The following AJAP1 variants were observed in gnomAD, a reference collection of about 807,000 sequenced individuals.
The protein encoded by AJAP1 is adherens junction-associated protein 1.
A neutral mutation model predicts 35.0 loss-of-function variants in AJAP1; 5 were observed. That is an observed-to-expected ratio of 0.14 (90% confidence interval 0.07 to 0.30). AJAP1 has a LOEUF of 0.30. Among genes scored for constraint, AJAP1 ranks in the 10% least tolerant of loss-of-function variants. The probability of loss-of-function intolerance (pLI) is 1.00; values close to 1 mark genes in which losing one functional copy is unlikely to be tolerated. For missense variants in AJAP1, 586 were observed against 571.0 expected (o/e 1.03, Z -0.27); for synonymous variants, 284 against 249.3 (o/e 1.14, Z -1.31).
chr1:4,682,931 A>G (rs945959248), intron 1 of AJAP1, among the ~76,000 whole-genome samples: 10 of 152,158 alleles, frequency 6.6e-5, no homozygotes, highest in Non-Finnish European at 4.4e-5. Context: ...GGTGATAATG[A>G]GAATGATTGT....
intron 2 of AJAP1, among the ~76,000 whole-genome samples, chr1:4,740,703 G>A (rs1033855984): frequency 2.7e-5 from 4 of 150,120 alleles, no homozygotes; most frequent in South Asian, 2.1e-4. Flanking sequence ...GGAGAATGGC[G>A]GGAACCCGGG....
Position 4,711,883 on chromosome 1 carries a change from C to G in AJAP1, c.30-17C>G. 1 of 1,449,516 alleles carries G rather than the reference C, an allele frequency of 6.9e-7. No individual in the cohort carries two copies. The highest frequency in any genetic ancestry group is 1.5e-5 in the South Asian group (1 of 66,588). 89.8% of individuals were successfully genotyped at this position (1,449,516 alleles called of 1,614,324 possible). A position where few individuals can be genotyped will look rare whatever the true frequency, so the allele number is the denominator to read the frequency against. ...GGCTTCCACTGACCGCTCTTCTCTC[C>G]TTTCCCCCCCGCACAGCTCCATGTC... On this transcript the variant is annotated splice_polypyrimidine_tract_variant and intron_variant, in intron 1 of 5. Coordinates refer to ENST00000378191, the MANE Select transcript of AJAP1 (RefSeq NM_018836.4).
chr1:4,709,684 G>A (rs917133145), intron 1 of AJAP1, among the ~76,000 whole-genome samples: 3 of 152,132 alleles, frequency 2.0e-5, no homozygotes, highest in African/African-American at 4.8e-5. Flanking sequence ...ACCTAAATTC[G>A]TCCTTGTGGT....
chr1:4,672,179 G>A (rs1051778739), intron 1 of AJAP1, among the ~76,000 whole-genome samples: 16 of 152,162 alleles, frequency 1.1e-4, no homozygotes, highest in Admixed American at 4.6e-4. Context: ...GGGAGCGGTC[G>A]GGAGTCACTT....
intron 1 of AJAP1, among the ~76,000 whole-genome samples, chr1:4,685,511 C>T (rs746197095): frequency 1.3e-5 from 2 of 152,196 alleles, no homozygotes; most frequent in African/African-American, 2.4e-5. Context: ...GGTCTGCAAG[C>T]TGCTAACAAT....
At position 4,782,916 on chromosome 1, in the gene AJAP1, C is replaced by T. The variant is rs780933085; in HGVS notation, c.*431C>T. 2.0e-5 allele frequency: 8 copies of T among 398,328 alleles called. No homozygotes were observed. Among genetic ancestry groups the T allele is most frequent in the Non-Finnish European group, 3.1e-5 (7 of 226,022 alleles). The allele number at this position is 398,328 out of a possible 1,614,324, so 24.7% of individuals were successfully genotyped here. A position where few individuals can be genotyped will look rare whatever the true frequency, so the allele number is the denominator to read the frequency against. ...GTGCCATGTACTGACCCGAAAGGCT[C>T]GGCCGCAGAGCCGGGGCCCAGCGAA... On this transcript the variant is annotated 3_prime_UTR_variant, in exon 6 of 6. Transcript: ENST00000378191. This position sits in a 1 kb window ranked among gnomAD's most constrained non-coding sequence, Gnocchi z 5.3.
At chr1:4,761,585 A>G (rs1641567526) in intron 2 of AJAP1, among the ~76,000 whole-genome samples, 1 of 152,204 alleles carries the variant, frequency 6.6e-6, no homozygotes, top group Non-Finnish European at 1.5e-5. Flanking sequence ...AGGGTTCTCT[A>G]GAGGGACAGA....
At chr1:4,762,526 G>A (rs1641589304) in intron 2 of AJAP1, among the ~76,000 whole-genome samples, 1 of 152,342 alleles carries the variant, frequency 6.6e-6, no homozygotes, top group African/African-American at 2.4e-5. Flanking sequence ...GATATTTCAT[G>A]CGTATTGTCA....
chr1:4,699,646 G>T (rs576846607), intron 1 of AJAP1, among the ~76,000 whole-genome samples: 1 of 152,134 alleles, frequency 6.6e-6, no homozygotes, highest in Non-Finnish European at 1.5e-5. Context: ...TGATGGAGCT[G>T]TCTTGAAAAT....
At chr1:4,714,642 A>G (rs1640347027) in intron 2 of AJAP1, among the ~76,000 whole-genome samples, 1 of 152,242 alleles carries the variant, frequency 6.6e-6, no homozygotes, top group African/African-American at 2.4e-5. Flanking sequence ...TCTTCATAAT[A>G]TAATCTGGTG....
rs139849748 is a variant in AJAP1 at position 4,752,506 on chromosome 1, C to G, written c.830-17347C>G. 2.0e-5 allele frequency among the ~76,000 whole-genome samples: 3 copies of G among 152,284 alleles called. No individual in the cohort carries two copies. The East Asian group carries it at 5.8e-4, about 29-fold the overall frequency. ...TACGAGCTATGGGGACCGAGTGGTC[C>G]ACCTGGCTCATAGCAGGCTCTGAAT... On this transcript the variant is annotated intron_variant, in intron 2 of 5. Coordinates refer to ENST00000378191, the MANE Select transcript of AJAP1 (RefSeq NM_018836.4).
rs1488964055 is a variant in AJAP1, at chr1:4,723,414, G to A, written c.829+10715G>A. Among the ~76,000 whole-genome samples, 3 of 152,304 alleles carry A rather than the reference G, an allele frequency of 2.0e-5. No individual in the cohort carries two copies. The highest frequency in any genetic ancestry group is 7.2e-5 in the African/African-American group (3 of 41,574). ...TCTGGAAGGCCATGGAGACAGTGGG[G>A]ACCACTTGGACAGAGCGGGGACTGC... On this transcript the variant is annotated intron_variant, in intron 2 of 5. Transcript: ENST00000378191. This position sits in a 1 kb window ranked among gnomAD's most constrained non-coding sequence, Gnocchi z 4.3.
At chr1:4,713,317 C>T (rs556500128) in intron 2 of AJAP1, among the ~76,000 whole-genome samples, 11 of 152,302 alleles carry the variant, frequency 7.2e-5, no homozygotes, top group African/African-American at 2.2e-4. Context: ...TGGCACCTTT[C>T]GGCTCCCTGG....
intron 2 of AJAP1, among the ~76,000 whole-genome samples, chr1:4,714,779 G>T (rs1275374157): frequency 6.6e-6 from 1 of 152,224 alleles, no homozygotes; most frequent in Non-Finnish European, 1.5e-5. Context: ...GTGGTTTACA[G>T]CAGCGCTCAT....
intron 1 of AJAP1, among the ~76,000 whole-genome samples, chr1:4,697,273 G>A (rs1274153453): frequency 6.6e-6 from 1 of 152,242 alleles, no homozygotes; most frequent in African/African-American, 2.4e-5. Context: ...ATGTGAGTGT[G>A]GCACAGGATT....
At chr1:4,738,489 C>T (rs929004789) in intron 2 of AJAP1, among the ~76,000 whole-genome samples, 5 of 152,144 alleles carry the variant, frequency 3.3e-5, no homozygotes, top group Non-Finnish European at 7.3e-5. Flanking sequence ...GGAAGCCAGC[C>T]CTAGGGCAGG....
chr1:4,736,457 T>C (rs1640925937), intron 2 of AJAP1, among the ~76,000 whole-genome samples: 1 of 152,112 alleles, frequency 6.6e-6, no homozygotes, highest in Admixed American at 6.5e-5. Context: ...CACAAGTACT[T>C]CCCCTCCCAC....
At chr1:4,746,024 C>T (rs72638894) in intron 2 of AJAP1, among the ~76,000 whole-genome samples, 10,896 of 152,270 alleles carry the variant, frequency 0.072, 482 homozygotes, top group Middle Eastern at 0.11. Context: ...AACCAAGTTT[C>T]GCACATGGGT....
chr1:4,706,004 T>C (rs1358383920), intron 1 of AJAP1, among the ~76,000 whole-genome samples: 1 of 152,198 alleles, frequency 6.6e-6, no homozygotes, highest in Admixed American at 6.5e-5. Context: ...CTCTCTGGGC[T>C]CTTTTGGAAT....
Sources: gnomAD v4.1 joint callset for allele counts (sites outside exome capture counted in the v4.1 genomes callset) on GRCh38, gnomAD v4.1.1 for gene constraint, Gnocchi (gnomAD v3.1) non-coding constraint, MANE v1.5 for transcripts, NCBI Gene and HGNC (gene_info 2026-07-23, HGNC 2026-07-21) for gene names.